PDE10A: variants seen among roughly 807,000 people sequenced by gnomAD.
PDE10A encodes the protein cAMP and cAMP-inhibited cGMP 3',5'-cyclic phosphodiesterase 10A.
In PDE10A, 39 loss-of-function variants were observed where a neutral mutation model predicts 97.7. The observed-to-expected ratio is 0.40, with a 90% CI of 0.31 to 0.52. The LOEUF (loss-of-function observed/expected upper bound fraction) is 0.52. PDE10A is among the 20% of genes least tolerant of loss of function. The pLI, the probability that PDE10A is intolerant of heterozygous loss-of-function variation, is 0.56. For missense variants in PDE10A, 731 were observed against 1,047.8 expected (o/e 0.70, Z 4.17); for synonymous variants, 371 against 376.8 (o/e 0.98, Z 0.18).
intron 1 of PDE10A, among the ~76,000 whole-genome samples, chr6:165,961,392 G>A (rs557819354): frequency 6.6e-6 from 1 of 152,334 alleles, no homozygotes; most frequent in African/African-American, 2.4e-5. Context: ...AAGGAAGCCA[G>A]GATGAAATGC....
intron 1 of PDE10A, among the ~76,000 whole-genome samples, chr6:165,972,798 A>G (rs1784725245): frequency 6.6e-6 from 1 of 152,196 alleles, no homozygotes; most frequent in Admixed American, 6.5e-5. Flanking sequence ...TGCTCTGTTT[A>G]TTGTGACCAA....
At chr6:165,600,156 T>C (rs147370864) in intron 1 of PDE10A, among the ~76,000 whole-genome samples, 255 of 152,226 alleles carry the variant, frequency 1.7e-3, no homozygotes, top group African/African-American at 5.6e-3. Context: ...ATCTGACACA[T>C]TATAATCACC....
chr6:165,859,897 G>C (rs1780851184), intron 1 of PDE10A, among the ~76,000 whole-genome samples: 1 of 152,090 alleles, frequency 6.6e-6, no homozygotes, highest in South Asian at 2.1e-4. Flanking sequence ...CAGCAACCTG[G>C]GTGGGATTGA....
intron 1 of PDE10A, among the ~76,000 whole-genome samples, chr6:165,617,782 A>G (rs932600915): frequency 6.6e-6 from 1 of 152,216 alleles, no homozygotes; most frequent in Non-Finnish European, 1.5e-5. Flanking sequence ...AACATCAATC[A>G]TAAGAGCAGG....
rs1554305960 is a variant in PDE10A, at chr6:165,691,107, C to CT, written c.-614-147540_-614-147539insA. ...TCTCTCTCTCTCTCTCTTTCTCTCT[C>CT]CCCCCCCCCATCAGTGCCTGTGGTC... On this transcript the variant is annotated intron_variant, in intron 1 of 19. Transcript: ENST00000366882. Among the ~76,000 whole-genome samples the CT allele has an allele frequency of 7.8e-3, 104 of 13,362 alleles. 3 individuals are homozygous for CT. The highest frequency in any genetic ancestry group is 0.014 in the Non-Finnish European group (60 of 4,264). The allele number at this position is 13,362 out of a possible 152,430, so 8.8% of individuals were successfully genotyped here.
intron 6 of PDE10A, among the ~76,000 whole-genome samples, chr6:165,433,341 C>A (rs571534277): frequency 1.3e-5 from 2 of 152,234 alleles, no homozygotes; most frequent in African/African-American, 2.4e-5. Flanking sequence ...TTTAATATTT[C>A]TTTATCCTTA....
Position 165,431,427 on chromosome 6 carries a change from C to T in PDE10A, c.1537G>A (p.Val513Met). The part of the protein sequence containing the change: ...LAWASVAIHQ[V>M]QVCRGLAKQT... ...AAAACACCCCAAAGACTCACCTGCACCTGATGTATTGCTACTGAAGCCCAG... is the reference window on the plus strand; with the variant it reads ...AAAACACCCCAAAGACTCACCTGCATCTGATGTATTGCTACTGAAGCCCAG... The change falls in exon 8 of 22, where the codon GTG becomes ATG. Residue 513 changes from valine to methionine, a missense_variant. Val to Met is a conservative substitution (Grantham distance 21, BLOSUM62 1). Transcript: ENST00000539869. 2 of 1,597,600 alleles carry T rather than the reference C, an allele frequency of 1.3e-6. No individual in the cohort carries two copies. Among genetic ancestry groups the T allele is most frequent in the Non-Finnish European group, 1.7e-6 (2 of 1,170,220 alleles).
At chr6:165,475,864 C>A (rs956830141) in intron 3 of PDE10A, among the ~76,000 whole-genome samples, 1 of 152,110 alleles carries the variant, frequency 6.6e-6, no homozygotes, top group East Asian at 1.9e-4. Flanking sequence ...TGGATTCCAG[C>A]GCATCAATTT....
chr6:165,901,669 G>A (rs1782110016), intron 1 of PDE10A, among the ~76,000 whole-genome samples: 1 of 152,142 alleles, frequency 6.6e-6, no homozygotes, highest in Non-Finnish European at 1.5e-5. Context: ...ACGCATGGTG[G>A]CACATGCCTG....
intron 10 of PDE10A, among the ~76,000 whole-genome samples, chr6:165,422,520 CTCTT>C (rs1199601643): frequency 6.6e-6 from 1 of 152,094 alleles, no homozygotes; most frequent in Non-Finnish European, 1.5e-5. Context: ...TGAAACAACA[CTCTT>C]TATAGCAACA....
intron 1 of PDE10A, among the ~76,000 whole-genome samples, chr6:165,925,537 A>G (rs1782907322): frequency 6.6e-6 from 1 of 152,252 alleles, no homozygotes. Flanking sequence ...GTATGTCCAC[A>G]CCATTAAATA....
chr6:165,716,657 TC>T (rs1183299307), intron 1 of PDE10A, among the ~76,000 whole-genome samples: 1 of 151,928 alleles, frequency 6.6e-6, no homozygotes, highest in African/African-American at 2.4e-5. Flanking sequence ...AACTTTATTT[TC>T]CCCCCACATT....
chr6:165,497,299 G>A lies in PDE10A; in HGVS notation c.995-14956C>T, dbSNP rs1780597783. ...TCCCATCCCATCACCATCAGTGAGA[G>A]TAACACGAAGCTTTCCAATTCCATA... On this transcript the variant is annotated intron_variant, in intron 2 of 21. Transcript: ENST00000539869. Among the ~76,000 whole-genome samples the A allele has an allele frequency of 2.6e-5, 4 of 152,158 alleles. No homozygotes were observed. In the South Asian group the frequency reaches 8.3e-4, roughly 31 times the overall value.
intron 1 of PDE10A, among the ~76,000 whole-genome samples, chr6:165,854,655 G>C (rs983315437): frequency 6.6e-6 from 1 of 152,290 alleles, no homozygotes; most frequent in East Asian, 1.9e-4. Context: ...GTGCAGGAGC[G>C]GGCTTGGCTC....
intron 1 of PDE10A, among the ~76,000 whole-genome samples, chr6:165,832,798 G>A (rs910605832): frequency 3.3e-5 from 5 of 152,210 alleles, no homozygotes; most frequent in Non-Finnish European, 5.9e-5. Flanking sequence ...AGTTTAATTG[G>A]CAGAATGTGT....
intron 3 of PDE10A, among the ~76,000 whole-genome samples, chr6:165,473,075 C>T (rs1385903412): frequency 6.6e-6 from 1 of 152,062 alleles, no homozygotes; most frequent in African/African-American, 2.4e-5. Flanking sequence ...ATCTAAATAT[C>T]TACCAATAGA....
At chr6:165,765,428 C>T (rs989689352) in intron 1 of PDE10A, among the ~76,000 whole-genome samples, 1 of 152,262 alleles carries the variant, frequency 6.6e-6, no homozygotes, top group Non-Finnish European at 1.5e-5. Context: ...GAGACCTGCC[C>T]CGCGGGAAGG....
intron 3 of PDE10A, among the ~76,000 whole-genome samples, chr6:165,477,174 C>A (rs1779340906): frequency 6.6e-6 from 1 of 152,150 alleles, no homozygotes; most frequent in African/African-American, 2.4e-5. Context: ...CCTTGCTATG[C>A]CTCCAGGGAT....
At chr6:165,908,192 A>G (rs922693252) in intron 1 of PDE10A, among the ~76,000 whole-genome samples, 1 of 152,242 alleles carries the variant, frequency 6.6e-6, no homozygotes, top group Admixed American at 6.5e-5. Flanking sequence ...ATGGAAATGA[A>G]GCCACAGGAA....
Sources: gnomAD v4.1 joint callset for allele counts (sites outside exome capture counted in the v4.1 genomes callset) on GRCh38, gnomAD v4.1.1 for gene constraint, MANE v1.5 for transcripts, NCBI Gene and HGNC (gene_info 2026-07-23, HGNC 2026-07-21) for gene names.